Variants in CYP4X1 observed in about 807,000 individuals in gnomAD.
CYP4X1 encodes cytochrome P450 family 4 subfamily X member 1.
A neutral mutation model predicts 57.9 loss-of-function variants in CYP4X1; 44 were observed. That is an observed-to-expected ratio of 0.76 (90% confidence interval 0.60 to 0.98). The LOEUF is 0.98. Ranked by LOEUF, CYP4X1 falls within the 50% of genes least tolerant of loss-of-function variation. CYP4X1 has a pLI of 0.00. For synonymous variants in CYP4X1, 227 were observed against 228.6 expected (o/e 0.99, Z 0.06); for missense variants, 532 against 623.9 (o/e 0.85, Z 1.57).
At chr1:47,036,738 A>C (rs1191981039) in intron 6 of CYP4X1, among the ~76,000 whole-genome samples, 1 of 152,168 alleles carries the variant, frequency 6.6e-6, no homozygotes, top group Non-Finnish European at 1.5e-5. Context: ...GTTACTAGTA[A>C]GTTACTTACT....
At chr1:46,970,147 T>C in the CYP4X1 span, among the ~76,000 whole-genome samples, 1 of 152,132 alleles carries the variant, frequency 6.6e-6, no homozygotes, top group Non-Finnish European at 1.5e-5. Context: ...GAGAGAGAAA[T>C]CAACTCCTTA....
the CYP4X1 span, among the ~76,000 whole-genome samples, chr1:46,989,399 G>C: frequency 2.6e-5 from 4 of 151,980 alleles, no homozygotes; most frequent in African/African-American, 9.7e-5. Flanking sequence ...CAAAATAAGA[G>C]ACAACACAAA....
chr1:47,048,681 T>A, intron 10 of CYP4X1, 52 bp downstream of exon 10: 1 of 1,533,152 alleles, frequency 6.5e-7, no homozygotes, highest in Non-Finnish European at 8.8e-7. Flanking sequence ...GCTGTGCAAG[T>A]CACTTTTTGG....
chr1:47,033,352 C>T lies in CYP4X1; in HGVS notation c.476C>T (p.Ser159Phe). 6.2e-7 allele frequency: 1 copy of T among 1,613,774 alleles called. No homozygotes were observed. Among genetic ancestry groups the T allele is most frequent in the Non-Finnish European group, 8.5e-7 (1 of 1,179,782 alleles). The change falls in exon 4 of 12, where the codon TCT becomes TTT. Residue 159 changes from serine (S) to phenylalanine (F), a missense_variant. By Grantham distance (155) the Ser-to-Phe change is radical. Coordinates refer to ENST00000371901, the MANE Select transcript of CYP4X1 (RefSeq NM_178033.2). Reference sequence around the variant, plus strand: ...GCATACATTGAGGTGATGGCTCATTCTGTGAAAATGATGCTGGTAAGTAAA... The same window carrying T: ...GCATACATTGAGGTGATGGCTCATTTTGTGAAAATGATGCTGGTAAGTAAA... ...LKAYIEVMAH[S>F]VKMMLDKWEK...
At chr1:47,044,809 G>A (rs1241847773) in intron 8 of CYP4X1, among the ~76,000 whole-genome samples, 2 of 151,494 alleles carry the variant, frequency 1.3e-5, no homozygotes, top group Non-Finnish European at 2.9e-5. Context: ...AAGTGCCAGG[G>A]TAAGCAGAAT....
the CYP4X1 span, among the ~76,000 whole-genome samples, chr1:46,998,274 C>G: frequency 1.3e-5 from 2 of 152,128 alleles, no homozygotes; most frequent in African/African-American, 4.8e-5. Context: ...ATCCTGGACT[C>G]GAGTGATCCT....
intron 4 of CYP4X1, among the ~76,000 whole-genome samples, chr1:47,033,711 C>T (rs1203622250): frequency 6.6e-6 from 1 of 152,058 alleles, no homozygotes; most frequent in African/African-American, 2.4e-5. Context: ...AACTGAGAGG[C>T]TGAAGAAAAA....
At chr1:47,027,519 G>C (rs946838959) in intron 1 of CYP4X1, among the ~76,000 whole-genome samples, 1 of 152,194 alleles carries the variant, frequency 6.6e-6, no homozygotes. Flanking sequence ...GTCTCTTCAA[G>C]CTCTTCAGAA....
downstream of CYP4X1, among the ~76,000 whole-genome samples, chr1:47,054,970 G>C (rs1644384387): frequency 6.6e-6 from 1 of 152,160 alleles, no homozygotes. Flanking sequence ...AATAGGAGTG[G>C]TGAGAGAGGG....
At chr1:46,982,471 G>A in the CYP4X1 span, among the ~76,000 whole-genome samples, 4 of 152,160 alleles carry the variant, frequency 2.6e-5, no homozygotes, top group African/African-American at 7.2e-5. Flanking sequence ...GAGTTCTTGC[G>A]TTGGTTCTTT....
At chr1:46,989,772 G>A in the CYP4X1 span, among the ~76,000 whole-genome samples, 734 of 152,260 alleles carry the variant, frequency 4.8e-3, 12 homozygotes, top group East Asian at 0.045. Context: ...TCTGATCTTT[G>A]ACAAACCTGA....
rs367694773 is a variant in CYP4X1, at chr1:47,038,678, G to T, written c.794G>T (p.Arg265Ile). 18 of 1,607,942 alleles carry T rather than the reference G, an allele frequency of 1.1e-5. No individual in the cohort carries two copies. In the African/African-American group the frequency reaches 1.9e-4, roughly 17 times the overall value. Residue 265 changes from arginine (R) to isoleucine (I), a missense_variant, in exon 7 of 12, where the codon AGA becomes ATA. Coordinates refer to ENST00000371901, the MANE Select transcript of CYP4X1 (RefSeq NM_178033.2). ...NQYTDTIIQERKKSLQAGVKQ... is the reference protein window; with the variant it reads ...NQYTDTIIQEIKKSLQAGVKQ... ...TACCCAGATACAATAATCCAGGAAA[G>T]AAAGAAATCCCTCCAGGCTGGGGTA...
the CYP4X1 span, among the ~76,000 whole-genome samples, chr1:47,013,804 C>G: frequency 6.8e-6 from 1 of 147,188 alleles, no homozygotes; most frequent in Non-Finnish European, 1.5e-5. Context: ...GCTCTGTCAC[C>G]CAGGCTGGAA....
At chr1:47,041,277 G>A (rs1259359383) in intron 8 of CYP4X1, among the ~76,000 whole-genome samples, 1 of 152,088 alleles carries the variant, frequency 6.6e-6, no homozygotes, top group African/African-American at 2.4e-5. Flanking sequence ...TCTCTTCAAT[G>A]CACTGATTTC....
At chr1:47,009,243 A>T in the CYP4X1 span, among the ~76,000 whole-genome samples, 3 of 152,184 alleles carry the variant, frequency 2.0e-5, no homozygotes, top group African/African-American at 7.2e-5. Flanking sequence ...ACTAGAACTC[A>T]GGATTAAGAA....
Position 47,023,995 on chromosome 1 carries a change from G to T in CYP4X1, c.177+1G>T. 6.2e-7 allele frequency: 1 copy of T among 1,611,024 alleles called. No individual in the cohort carries two copies. The highest frequency in any genetic ancestry group is 8.5e-7 in the Non-Finnish European group (1 of 1,178,572). The stretch of plus-strand genomic sequence containing the variant: ...CCACTGGTTCCTTGGGCACCAGAAG[G>T]TAGATGGGAGGGAGGAGGGAGGAAG... On this transcript the variant is annotated splice_donor_variant, in intron 1 of 11. Transcript: ENST00000371901. LOFTEE classifies it high-confidence loss of function.
chr1:46,967,199 A>T, the CYP4X1 span, among the ~76,000 whole-genome samples: 1 of 152,244 alleles, frequency 6.6e-6, no homozygotes, highest in African/African-American at 2.4e-5. Flanking sequence ...AAGCTCTAGG[A>T]GCTGAAAAAG....
chr1:47,052,195 G>A (rs1178000668), downstream of CYP4X1, among the ~76,000 whole-genome samples: 1 of 151,660 alleles, frequency 6.6e-6, no homozygotes, highest in Non-Finnish European at 1.5e-5. Context: ...TTAGAAAAGA[G>A]GTCTGTTAAA....
chr1:47,035,781 T>C (rs748375133), intron 4 of CYP4X1, 25 bp from the exon 5 acceptor site: 1 of 1,602,274 alleles, frequency 6.2e-7, no homozygotes, highest in South Asian at 1.1e-5. Context: ...GTGGTGATGA[T>C]GTTGGTCTTG....
Sources: allele counts gnomAD v4.1 joint callset (sites outside exome capture counted in the v4.1 genomes callset), GRCh38; gene constraint gnomAD v4.1.1; transcripts MANE v1.5; gene names NCBI Gene and HGNC (gene_info 2026-07-23, HGNC 2026-07-21).